The following FGF12 variants were observed in gnomAD, a reference collection of about 807,000 sequenced individuals.
FGF12 encodes fibroblast growth factor 12, also known as fibroblast growth factor 12B.
In FGF12, 14 loss-of-function variants were observed where a neutral mutation model predicts 23.6. The observed-to-expected ratio is 0.59, with a 90% CI of 0.39 to 0.93. FGF12 has a LOEUF of 0.93. FGF12 is among the 40% of genes least tolerant of loss of function. FGF12 has a pLI of 0.00. For missense variants in FGF12, 175 were observed against 217.8 expected (o/e 0.80, Z 1.24); for synonymous variants, 62 against 77.3 (o/e 0.80, Z 1.04).
At chr3:192,368,176 C>G (rs1392842753) in intron 2 of FGF12, among the ~76,000 whole-genome samples, 1 of 152,040 alleles carries the variant, frequency 6.6e-6, no homozygotes, top group African/African-American at 2.4e-5. Flanking sequence ...CACAGTGCAA[C>G]TACTTCAACT....
At chr3:192,250,787 G>T (rs77365455) in intron 4 of FGF12, among the ~76,000 whole-genome samples, 2,108 of 151,222 alleles carry the variant, frequency 0.014, 39 homozygotes, top group East Asian at 0.046. Context: ...TATTTTGAAG[G>T]TTTTTTTTTA....
At chr3:192,458,681 A>G (rs1045448388) in intron 2 of FGF12, among the ~76,000 whole-genome samples, 3 of 152,140 alleles carry the variant, frequency 2.0e-5, no homozygotes, top group Admixed American at 6.5e-5. Context: ...CTTGTCTCAG[A>G]TAAGACTTTG....
Position 192,158,118 on chromosome 3 carries a change from T to G in FGF12, c.427+12340A>C, listed in dbSNP as rs188444798. On this transcript the variant is annotated intron_variant, in intron 5 of 5. Coordinates refer to ENST00000445105, the MANE Select transcript of FGF12 (RefSeq NM_004113.6). ...AACATAAAACTGTTTTGACTGGTCG[T>G]AAGTCAAAACCTTGACCCCAAACCT... Among the ~76,000 whole-genome samples, 121 of 152,278 alleles carry G rather than the reference T, an allele frequency of 7.9e-4. 1 individual carries two copies. Among genetic ancestry groups the G allele is most frequent in the African/African-American group, 2.8e-3 (115 of 41,554 alleles).
chr3:192,569,270 A>T (rs1712484726), intron 2 of FGF12, among the ~76,000 whole-genome samples: 1 of 152,206 alleles, frequency 6.6e-6, no homozygotes, highest in Non-Finnish European at 1.5e-5. Context: ...GGTAACAAAC[A>T]ACCCTCAAAT....
chr3:192,337,892 C>A (rs961534756), intron 3 of FGF12, among the ~76,000 whole-genome samples: 4 of 152,094 alleles, frequency 2.6e-5, no homozygotes, highest in African/African-American at 9.7e-5. Context: ...TGCTTTAAAG[C>A]TTTAAAATCT....
At chr3:192,224,978 C>T (rs1718659986) in intron 4 of FGF12, among the ~76,000 whole-genome samples, 2 of 152,100 alleles carry the variant, frequency 1.3e-5, no homozygotes, top group South Asian at 4.1e-4. Flanking sequence ...TGAGAGAGGC[C>T]CCAGGACTTA....
At chr3:192,515,714 G>T (rs1414099385) in intron 2 of FGF12, among the ~76,000 whole-genome samples, 1 of 152,176 alleles carries the variant, frequency 6.6e-6, no homozygotes, top group Non-Finnish European at 1.5e-5. Context: ...ACAAAAGAGC[G>T]CTTCGCTTTG....
intron 2 of FGF12, among the ~76,000 whole-genome samples, chr3:192,566,950 GTCTATTC>G (rs1358170593): frequency 6.6e-6 from 1 of 152,088 alleles, no homozygotes; most frequent in Non-Finnish European, 1.5e-5. Context: ...CTCAGATTCC[GTCTATTC>G]TCTATTGAGT....
At position 192,408,502 on chromosome 3, in the gene FGF12, A is replaced by C; in HGVS notation, c.14-47964T>G. 1 of 1,262,114 alleles carries C rather than the reference A, an allele frequency of 7.9e-7. No individual in the cohort carries two copies. The highest frequency in any genetic ancestry group is 1.0e-6 in the Non-Finnish European group (1 of 1,002,892). The allele number at this position is 1,262,114 out of a possible 1,614,324, so 78.2% of individuals were successfully genotyped here. ...GGTCCCAGGCCCTCTTGCGAAGTAG[A>C]CGTTTGCACCCCAAACTTGCACCCC... On this transcript the variant is annotated intron_variant, in intron 2 of 5. Coordinates refer to ENST00000445105, the MANE Select transcript of FGF12 (RefSeq NM_004113.6). This position sits in a 1 kb window ranked among gnomAD's most constrained non-coding sequence, Gnocchi z 7.3.
At chr3:192,537,761 G>T (rs1158102435) in intron 2 of FGF12, among the ~76,000 whole-genome samples, 3 of 152,064 alleles carry the variant, frequency 2.0e-5, no homozygotes, top group Non-Finnish European at 4.4e-5. Flanking sequence ...TCACTTTGTT[G>T]ATTGTATCCT....
intron 4 of FGF12, among the ~76,000 whole-genome samples, chr3:192,294,392 A>G (rs1337308868): frequency 3.2e-4 from 49 of 152,140 alleles, no homozygotes; most frequent in Admixed American, 3.2e-3. Context: ...CCCATTTCCT[A>G]AAACTACCAC....
In FGF12 at chr3:192,144,144, C is replaced by A. The variant is rs771839343; in HGVS notation, c.428-17G>T. 2.0e-6 allele frequency: 3 copies of A among 1,470,518 alleles called. No individual in the cohort carries two copies. The highest frequency in any genetic ancestry group is 3.5e-5 in the Admixed American group (2 of 57,202). The allele number at this position is 1,470,518 out of a possible 1,614,324, so 91.1% of individuals were successfully genotyped here. ...ACATACACACTGAAAGGCAAAATAA[C>A]AAAAATTACTTATGACAGTGGACAT... On this transcript the variant is annotated splice_polypyrimidine_tract_variant and intron_variant, in intron 5 of 5. Coordinates refer to ENST00000445105, the MANE Select transcript of FGF12 (RefSeq NM_004113.6).
At chr3:192,632,888 G>A (rs890984232) in intron 2 of FGF12, among the ~76,000 whole-genome samples, 1 of 152,014 alleles carries the variant, frequency 6.6e-6, no homozygotes, top group African/African-American at 2.4e-5. Flanking sequence ...GAAGCTCTGG[G>A]GGGGAATCTA....
intron 3 of FGF12, among the ~76,000 whole-genome samples, chr3:192,344,727 G>A (rs767483113): frequency 1.3e-5 from 2 of 152,040 alleles, no homozygotes; most frequent in Non-Finnish European, 2.9e-5. Context: ...CCTTAGCTCT[G>A]GTAAAAGTCC....
intron 2 of FGF12, among the ~76,000 whole-genome samples, chr3:192,654,016 G>A (rs1259569272): frequency 6.6e-6 from 1 of 152,180 alleles, no homozygotes; most frequent in Admixed American, 6.5e-5. Flanking sequence ...ATGAGCCACA[G>A]CACCTGGCCT....
chr3:192,643,037 A>C lies in FGF12; in HGVS notation c.13+84144T>G, dbSNP rs369410360. ...ACCTGGCTGTATATTCACAATCATT[A>C]AGTGTTTCTTCATGGAATGATATTG... On this transcript the variant is annotated intron_variant, in intron 2 of 5. Transcript: ENST00000445105. Among the ~76,000 whole-genome samples, 22 of 152,348 alleles carry C rather than the reference A, an allele frequency of 1.4e-4. No individual in the cohort carries two copies. In the East Asian group the frequency reaches 3.1e-3, roughly 21 times the overall value.
intron 4 of FGF12, among the ~76,000 whole-genome samples, chr3:192,274,583 GAA>G (rs1713658707): frequency 1.5e-5 from 2 of 136,630 alleles, no homozygotes; most frequent in Non-Finnish European, 3.1e-5. Context: ...AGAGGAGAGA[GAA>G]GAGGGGAAAG....
intron 4 of FGF12, among the ~76,000 whole-genome samples, chr3:192,279,714 G>A (rs1714032431): frequency 6.6e-6 from 1 of 152,122 alleles, no homozygotes; most frequent in Non-Finnish European, 1.5e-5. Context: ...TAAAACAAAA[G>A]TTAAAAAGGA....
chr3:192,466,454 C>T (rs1479805153), intron 2 of FGF12, among the ~76,000 whole-genome samples: 2 of 152,056 alleles, frequency 1.3e-5, no homozygotes, highest in Non-Finnish European at 2.9e-5. Flanking sequence ...TGGCTGGCAC[C>T]GAGCACAACA....
Sources: gnomAD v4.1 joint callset for allele counts (sites outside exome capture counted in the v4.1 genomes callset) on GRCh38, gnomAD v4.1.1 for gene constraint, Gnocchi (gnomAD v3.1) non-coding constraint, MANE v1.5 for transcripts, NCBI Gene and HGNC (gene_info 2026-07-23, HGNC 2026-07-21) for gene names.